Variants in SCNN1G observed in about 807,000 individuals in gnomAD.
SCNN1G encodes epithelial sodium channel subunit gamma.
A neutral mutation model predicts 64.6 loss-of-function variants in SCNN1G; 27 were observed. That is an observed-to-expected ratio of 0.42 (90% confidence interval 0.31 to 0.58). The LOEUF (loss-of-function observed/expected upper bound fraction) is 0.58. SCNN1G is among the 20% of genes least tolerant of loss of function. The pLI is 0.18. For synonymous variants in SCNN1G, 330 were observed against 314.2 expected (o/e 1.05, Z -0.53); for missense variants, 743 against 823.4 (o/e 0.90, Z 1.19).
At chr16:23,207,685 C>A (rs1474505427) in intron 6 of SCNN1G, among the ~76,000 whole-genome samples, 1 of 152,182 alleles carries the variant, frequency 6.6e-6, no homozygotes, top group African/African-American at 2.4e-5. Flanking sequence ...GGAGGCCAGA[C>A]AGCCACTTTC....
rs1596763154 is a variant in SCNN1G, at chr16:23,189,597, G to T, written c.544G>T (p.Val182Phe). ...RDFFTGRKRK[V>F]GGSIIHKASN... ...CTTCTTCACAGGGAGGAAGCGGAAAGTCGGCGGTAGCATCATTCACAAGGC... is the reference window on the plus strand; with the variant it reads ...CTTCTTCACAGGGAGGAAGCGGAAATTCGGCGGTAGCATCATTCACAAGGC... Residue 182 changes from valine (V) to phenylalanine (F), a missense_variant, in exon 3 of 13, where the codon GTC (valine) becomes TTC (phenylalanine). Coordinates refer to ENST00000300061, the MANE Select transcript of SCNN1G (RefSeq NM_001039.4). 1 of 1,614,238 alleles carries T rather than the reference G, an allele frequency of 6.2e-7. No homozygotes were observed. The highest frequency in any genetic ancestry group is 8.5e-7 in the Non-Finnish European group (1 of 1,180,038).
At chr16:23,193,069 C>CAAAAAAAAAAAA (rs56318076) in intron 4 of SCNN1G, among the ~76,000 whole-genome samples, 12 of 69,126 alleles carry the variant, frequency 1.7e-4, no homozygotes, top group African/African-American at 8.7e-4. Context: ...ACTCTTGTCT[C>CAAAAAAAAAAAA]AAAAAAAAAA....
At chr16:23,185,309 CTAA>C (rs1273978044) in intron 1 of SCNN1G, among the ~76,000 whole-genome samples, 1 of 152,310 alleles carries the variant, frequency 6.6e-6, no homozygotes, top group East Asian at 1.9e-4. Flanking sequence ...ACTTATGAGA[CTAA>C]TGAGACTATA....
intron 6 of SCNN1G, among the ~76,000 whole-genome samples, chr16:23,207,505 T>C (rs975014612): frequency 4.6e-5 from 7 of 152,246 alleles, no homozygotes; most frequent in Admixed American, 2.0e-4. Flanking sequence ...AGGCCCTGCA[T>C]GCATTTGCTA....
chr16:23,202,192 A>G (rs1181778821), intron 6 of SCNN1G, among the ~76,000 whole-genome samples: 1 of 144,400 alleles, frequency 6.9e-6, no homozygotes, highest in East Asian at 2.1e-4. Context: ...CTGGTTCCAA[A>G]GCTTACTTCT....
intron 1 of SCNN1G, among the ~76,000 whole-genome samples, chr16:23,185,259 T>C (rs1959587659): frequency 6.6e-6 from 1 of 152,244 alleles, no homozygotes; most frequent in Admixed American, 6.5e-5. Context: ...AAAGGAAATA[T>C]ATGTAGGCTA....
At chr16:23,185,061 C>T (rs1567261133) in intron 1 of SCNN1G, among the ~76,000 whole-genome samples, 1 of 152,206 alleles carries the variant, frequency 6.6e-6, no homozygotes, top group Non-Finnish European at 1.5e-5. Flanking sequence ...ACTCCCTGCA[C>T]CCAGCGTACT....
rs1002667209 is a variant in SCNN1G at position 23,208,782 on chromosome 16, C to T, written c.1078-968C>T. ...AAATAGGGTCTTCCTCTGTCACCAA[C>T]GCTGGATTGCAGTGGCACAACCATA... On this transcript the variant is annotated intron_variant, in intron 6 of 12. Coordinates refer to ENST00000300061, the MANE Select transcript of SCNN1G (RefSeq NM_001039.4). Among the ~76,000 whole-genome samples, 5 of 151,298 alleles carry T rather than the reference C, an allele frequency of 3.3e-5. No individual in the cohort carries two copies. The South Asian group carries it at 8.5e-4, about 26-fold the overall frequency.
chr16:23,208,629 T>G (rs1260454072), intron 6 of SCNN1G, among the ~76,000 whole-genome samples: 1 of 88,922 alleles, frequency 1.1e-5, no homozygotes. Context: ...TCCCCTTCCC[T>G]TCCCGCCCTT....
intron 4 of SCNN1G, among the ~76,000 whole-genome samples, chr16:23,193,826 T>TTTTTTTTTTTTTTTTTTTTTTTTTTG (rs1567264062): frequency 6.6e-6 from 1 of 152,170 alleles, no homozygotes; most frequent in African/African-American, 2.4e-5. Context: ...GATTATTTTC[T>TTTTTTTTTTTTTTTTTTTTTTTTTTG]AGGACTGAGA....
At position 23,197,303 on chromosome 16, in the gene SCNN1G, ACCCATT is replaced by A; in HGVS notation, c.956_961del (p.Pro319_Phe320del). 1 of 1,613,238 alleles carries A rather than the reference ACCCATT, an allele frequency of 6.2e-7. No homozygotes were observed. The highest frequency in any genetic ancestry group is 1.1e-5 in the South Asian group (1 of 91,048). ...TTGTACATAAACGAAGAGGAATACAACCCATTCCTCGTGTCCTCCACTGGAGCTAAG... is the reference window on the plus strand; with the variant it reads ...TTGTACATAAACGAAGAGGAATACAACCTCGTGTCCTCCACTGGAGCTAAG... On this transcript the variant is annotated inframe_deletion, in exon 6 of 13. Transcript: ENST00000300061.
intron 3 of SCNN1G, 75 bp from the exon 4 acceptor site, chr16:23,192,277 A>G: frequency 8.3e-7 from 1 of 1,207,508 alleles, no homozygotes; most frequent in Non-Finnish European, 1.2e-6. Flanking sequence ...AGTCTCAGTC[A>G]CTCATTCTTA....
chr16:23,189,543 G>T lies in SCNN1G; in HGVS notation c.490G>T (p.Asp164Tyr). 1 of 1,614,246 alleles carries T rather than the reference G, an allele frequency of 6.2e-7. No homozygotes were observed. Among genetic ancestry groups the T allele is most frequent in the South Asian group, 1.1e-5 (1 of 91,078 alleles). The change falls in exon 3 of 13, where the codon GAT becomes TAT. Residue 164 changes from aspartate to tyrosine, a missense_variant. Transcript: ENST00000300061. Reference protein sequence around the residue: ...FSHRIPLLIFDQDEKGKARDF... With the variant: ...FSHRIPLLIFYQDEKGKARDF... ...CCACCGGATTCCGCTGCTGATCTTT[G>T]ATCAGGATGAGAAGGGCAAGGCCAG...
chr16:23,197,407 A>G lies in SCNN1G; in HGVS notation c.1057A>G (p.Thr353Ala), dbSNP rs777229050. 6.2e-7 allele frequency: 1 copy of G among 1,614,060 alleles called. No individual in the cohort carries two copies. Among genetic ancestry groups the G allele is most frequent in the Non-Finnish European group, 8.5e-7 (1 of 1,179,910 alleles). ...AACAGAGATTGAGACAGCAATGGTC[A>G]CCTCTATAGGAATGCACCTGGTAAG... ...VGTEIETAMV[T>A]SIGMHLTESF... is the part of the protein sequence containing the mutation. Residue 353 changes from threonine to alanine, a missense_variant, in exon 6 of 13, where the codon ACC becomes GCC. Coordinates refer to ENST00000300061, the MANE Select transcript of SCNN1G (RefSeq NM_001039.4).
chr16:23,197,574 T>C, intron 6 of SCNN1G, 147 bp downstream of exon 6: 1 of 762,386 alleles, frequency 1.3e-6, no homozygotes, highest in Non-Finnish European at 2.2e-6. Flanking sequence ...TCCCATTCAT[T>C]TCAGGAGTTA....
At chr16:23,203,469 AG>A (rs1414191740) in intron 6 of SCNN1G, among the ~76,000 whole-genome samples, 3 of 152,258 alleles carry the variant, frequency 2.0e-5, no homozygotes, top group Non-Finnish European at 2.9e-5. Context: ...TATGCCAAAC[AG>A]GGATTAAGCG....
In SCNN1G at chr16:23,197,266, C is replaced by T. The variant is rs1487993532; in HGVS notation, c.916C>T (p.Leu306=). 6.8e-6 allele frequency: 11 copies of T among 1,613,444 alleles called. No individual in the cohort carries two copies. The highest frequency in any genetic ancestry group is 9.3e-6 in the Non-Finnish European group (11 of 1,179,800). Reference sequence around the variant, plus strand: ...AGCAGGTTGTCTTATCCTCCCAGGGCTGCAAGTCATTTTGTACATAAACGA... The same window carrying T: ...AGCAGGTTGTCTTATCCTCCCAGGGTTGCAAGTCATTTTGTACATAAACGA... The part of the protein sequence containing the change: ...STSMGGSEYG[L]QVILYINEEE... The change falls in exon 6 of 13, where the codon CTG becomes TTG. Residue 306 remains leucine (L), a splice_region_variant and synonymous_variant. Coordinates refer to ENST00000300061, the MANE Select transcript of SCNN1G (RefSeq NM_001039.4).
Position 23,212,113 on chromosome 16 carries a change from C to T in SCNN1G, c.1256C>T (p.Ala419Val). The T allele has an allele frequency of 6.2e-7, 1 of 1,613,696 alleles. No homozygotes were observed. Among genetic ancestry groups the T allele is most frequent in the Non-Finnish European group, 8.5e-7 (1 of 1,179,652 alleles). ...CAQYSQPLPP[A>V]ANYCNYQQHP... The stretch of plus-strand genomic sequence containing the variant: ...CAGTACAGCCAGCCTCTACCTCCTG[C>T]AGCCAACTACTGCAACTACCAGCAG... The change falls in exon 8 of 13, where the codon GCA (alanine) becomes GTA (valine). Residue 419 changes from alanine (A) to valine (V), a missense_variant. Transcript: ENST00000300061.
At chr16:23,209,037 C>A (rs898464112) in intron 6 of SCNN1G, among the ~76,000 whole-genome samples, 2 of 152,146 alleles carry the variant, frequency 1.3e-5, no homozygotes, top group Non-Finnish European at 2.9e-5. Flanking sequence ...GACTTTATCT[C>A]CAGCAATTTC....
Sources: allele counts gnomAD v4.1 joint callset (sites outside exome capture counted in the v4.1 genomes callset), GRCh38; gene constraint gnomAD v4.1.1; transcripts MANE v1.5; gene names NCBI Gene and HGNC (gene_info 2026-07-23, HGNC 2026-07-21).